The following USP33 variants were observed in gnomAD, a reference collection of about 807,000 sequenced individuals.
The protein encoded by USP33 is ubiquitin specific peptidase 33, also known as ubiquitin carboxyl-terminal hydrolase 33.
USP33 carries 46 observed loss-of-function variants against 124.2 expected under a neutral mutation model. That is an observed-to-expected ratio of 0.37 (90% CI 0.29 to 0.47). The LOEUF (loss-of-function observed/expected upper bound fraction) is 0.47. Among genes scored for constraint, USP33 ranks in the 20% least tolerant of loss-of-function variants. The pLI is 0.99. For synonymous variants in USP33, 350 were observed against 352.3 expected, an observed-to-expected ratio of 0.99 and a Z score of 0.07; for missense variants, 851 against 1,070.6, an observed-to-expected ratio of 0.79 and a Z score of 2.86.
chr1:77,720,079 G>T (rs1193406534), intron 15 of USP33, among the ~76,000 whole-genome samples: 1 of 138,640 alleles, frequency 7.2e-6, no homozygotes, highest in Non-Finnish European at 1.5e-5. Flanking sequence ...AGGATCGCTT[G>T]TGCCCAGGAA....
At chr1:77,748,280 G>A (rs1679933895) in intron 1 of USP33, among the ~76,000 whole-genome samples, 1 of 152,036 alleles carries the variant, frequency 6.6e-6, no homozygotes, top group Non-Finnish European at 1.5e-5. Flanking sequence ...TGTGATCATG[G>A]GCATCCCCAA....
intron 1 of USP33, among the ~76,000 whole-genome samples, chr1:77,743,378 T>A (rs1679354947): frequency 1.3e-5 from 2 of 152,228 alleles, no homozygotes; most frequent in Non-Finnish European, 2.9e-5. Flanking sequence ...TACATTTTTT[T>A]AAGAAAAGTT....
At chr1:77,699,874 G>A (rs907046071) in intron 22 of USP33, among the ~76,000 whole-genome samples, 1 of 152,180 alleles carries the variant, frequency 6.6e-6, no homozygotes, top group Admixed American at 6.5e-5. Flanking sequence ...AAAAAGGAAA[G>A]AGATCATGTC....
intron 16 of USP33, among the ~76,000 whole-genome samples, chr1:77,718,370 GGC>G: frequency 6.6e-6 from 1 of 152,094 alleles, no homozygotes; most frequent in Non-Finnish European, 1.5e-5. Flanking sequence ...CTTTAGACCT[GGC>G]AAGATCCTGC....
At chr1:77,750,966 T>G (rs1204588872) in intron 1 of USP33, among the ~76,000 whole-genome samples, 2 of 152,238 alleles carry the variant, frequency 1.3e-5, no homozygotes, top group Non-Finnish European at 2.9e-5. Flanking sequence ...AAAGAAGGCA[T>G]GTATGCTTCC....
At position 77,729,944 on chromosome 1, in the gene USP33, C is replaced by G. The variant is rs750980020; in HGVS notation, c.639-6G>C. On this transcript the variant is annotated splice_region_variant and splice_polypyrimidine_tract_variant and intron_variant, in intron 8 of 23. Transcript: ENST00000370794. The stretch of plus-strand genomic sequence containing the variant: ...TAGGCACAACAGATCCTGGCCTGAG[C>G]AAGAAAACATTTTTAAAGAGCAATT... 1.3e-6 allele frequency: 2 copies of G among 1,589,932 alleles called. No homozygotes were observed. Among genetic ancestry groups the G allele is most frequent in the African/African-American group, 2.7e-5 (2 of 73,686 alleles).
chr1:77,751,017 A>C (rs1445544027), intron 1 of USP33, among the ~76,000 whole-genome samples: 1 of 152,238 alleles, frequency 6.6e-6, no homozygotes, highest in Non-Finnish European at 1.5e-5. Flanking sequence ...TGAGTATTAG[A>C]CATTAGAAAA....
chr1:77,702,344 C>T (rs1416107059), intron 21 of USP33, among the ~76,000 whole-genome samples: 3 of 151,944 alleles, frequency 2.0e-5, no homozygotes, highest in African/African-American at 4.8e-5. Flanking sequence ...ACAATAAATA[C>T]GCCACATATT....
intron 7 of USP33, among the ~76,000 whole-genome samples, chr1:77,732,126 A>C (rs1677895699): frequency 1.3e-5 from 2 of 150,902 alleles, no homozygotes; most frequent in African/African-American, 2.4e-5. Flanking sequence ...AAAAAAAAAA[A>C]CCAGAATTCT....
At chr1:77,751,218 C>T (rs1167862922) in intron 1 of USP33, among the ~76,000 whole-genome samples, 2 of 152,182 alleles carry the variant, frequency 1.3e-5, no homozygotes, top group Admixed American at 6.5e-5. Context: ...GCCACACTAA[C>T]TGGACTACTG....
At chr1:77,730,039 T>C (rs1181095018) in intron 8 of USP33, 101 bp from the exon 9 acceptor site, 3 of 1,123,480 alleles carry the variant, frequency 2.7e-6, no homozygotes, top group African/African-American at 3.2e-5. Flanking sequence ...AATTGAAAAG[T>C]ATGTTTCAAA....
At chr1:77,735,020 G>C (rs550491400) in intron 6 of USP33, among the ~76,000 whole-genome samples, 3 of 152,096 alleles carry the variant, frequency 2.0e-5, no homozygotes, top group Non-Finnish European at 4.4e-5. Flanking sequence ...CTACTCGGGA[G>C]GCTGAAGCAG....
chr1:77,742,428 G>A (rs1479775793), intron 1 of USP33, among the ~76,000 whole-genome samples: 1 of 152,160 alleles, frequency 6.6e-6, no homozygotes, highest in Non-Finnish European at 1.5e-5. Context: ...CTGATGACCA[G>A]TGTCTCTAGA....
intron 6 of USP33, 87 bp downstream of exon 6, chr1:77,735,969 C>T (rs767675353): frequency 9.7e-5 from 94 of 973,926 alleles, no homozygotes; most frequent in Non-Finnish European, 1.3e-4. Context: ...CCCATTTTAC[C>T]TCCACATTTT....
At position 77,722,232 on chromosome 1, in the gene USP33, A is replaced by G. The variant is rs747071190; in HGVS notation, c.1390-36T>C. On this transcript the variant is annotated intron_variant, in intron 12 of 23. Coordinates refer to ENST00000370794, the MANE Select transcript of USP33 (RefSeq NM_201624.3). ...TTTGTGTTTTAAAAATGGGATGAAC[A>G]TAATGCAGTAAAACATTTCCAAGGT... The G allele has an allele frequency of 7.7e-6, 12 of 1,549,784 alleles. No homozygotes were observed. The African/African-American group carries it at 1.2e-4, about 16-fold the overall frequency.
chr1:77,724,649 G>C (rs1676956345), intron 11 of USP33, among the ~76,000 whole-genome samples: 1 of 152,078 alleles, frequency 6.6e-6, no homozygotes, highest in East Asian at 1.9e-4. Flanking sequence ...ATGAAAAAAT[G>C]TTCTTACAAA....
intron 7 of USP33, among the ~76,000 whole-genome samples, chr1:77,733,841 A>C (rs1363639686): frequency 2.0e-5 from 3 of 152,184 alleles, no homozygotes; most frequent in Non-Finnish European, 4.4e-5. Context: ...ATTTAATCCA[A>C]GGGAAAGGGT....
chr1:77,707,510 T>C (rs1171653224), intron 21 of USP33, among the ~76,000 whole-genome samples: 2 of 152,160 alleles, frequency 1.3e-5, no homozygotes, highest in Non-Finnish European at 2.9e-5. Context: ...TCAAGTAAGG[T>C]CACATTCACC....
intron 12 of USP33, among the ~76,000 whole-genome samples, chr1:77,722,684 G>A (rs1676703410): frequency 1.3e-5 from 2 of 152,094 alleles, no homozygotes; most frequent in Admixed American, 6.6e-5. Flanking sequence ...AAAACGACCC[G>A]ATTGAAAGTT....
Sources: allele counts gnomAD v4.1 joint callset (sites outside exome capture counted in the v4.1 genomes callset), GRCh38; gene constraint gnomAD v4.1.1; transcripts MANE v1.5; gene names NCBI Gene and HGNC (gene_info 2026-07-23, HGNC 2026-07-21).